Variants in NBPF9 observed in about 807,000 individuals in gnomAD.
NBPF9 encodes NBPF family member NBPF9.
NBPF9 carries 91 observed loss-of-function variants against 97.8 expected under a neutral mutation model. The ratio of observed to expected loss-of-function variants is 0.93; its 90% CI spans 0.79 to 1.11. The LOEUF is 1.11. Among genes scored for constraint, NBPF9 ranks in the 50% least tolerant of loss-of-function variants. The pLI is 0.00. For synonymous variants in NBPF9, 334 were observed against 359.5 expected (o/e 0.93, Z 0.80); for missense variants, 992 against 939.5 (o/e 1.06, Z -0.73).
chr1:149,084,342 A>AAT (rs1432072038), intron 5 of NBPF9, among the ~76,000 whole-genome samples: 39 of 147,698 alleles, frequency 2.6e-4, no homozygotes, highest in Admixed American at 2.4e-3. Flanking sequence ...GAATATATAT[A>AAT]ATATATATAC....
intron 12 of NBPF9, 78 bp downstream of exon 12, chr1:149,075,577 G>A (rs1385973297): frequency 1.4e-6 from 2 of 1,397,862 alleles, no homozygotes; most frequent in East Asian, 2.3e-5. Context: ...TATTTTTGAT[G>A]GAGAGAGCAC....
At chr1:149,064,249 G>T (rs1338832215) in intron 19 of NBPF9, among the ~76,000 whole-genome samples, 182 bp downstream of exon 19, 6 of 137,728 alleles carry the variant, frequency 4.4e-5, no homozygotes, top group African/African-American at 1.8e-4. Context: ...TAAATGATAA[G>T]GGTAGGAAGA....
intron 21 of NBPF9, 133 bp downstream of exon 21, chr1:149,062,729 A>T: frequency 1.3e-6 from 1 of 755,658 alleles, no homozygotes; most frequent in Non-Finnish European, 2.4e-6. Context: ...TGCAATGAAA[A>T]CCAACAGCAA....
chr1:149,055,819 A>G, exon 30 of NBPF9: 2 of 1,608,124 alleles, frequency 1.2e-6, no homozygotes, highest in East Asian at 2.3e-5. Context: ...TTCAAAGTAC[A>G]TTGACGGAGT....
At chr1:149,100,762 C>T (rs1290526489) in intron 3 of NBPF9, among the ~76,000 whole-genome samples, 1 of 152,078 alleles carries the variant, frequency 6.6e-6, no homozygotes, top group Non-Finnish European at 1.5e-5. Context: ...GTTGAATCCC[C>T]ATCTCTACAA....
chr1:149,069,322 T>A (rs2079221971), intron 17 of NBPF9, among the ~76,000 whole-genome samples: 1 of 151,516 alleles, frequency 6.6e-6, no homozygotes, highest in Non-Finnish European at 1.5e-5. Context: ...AAAAAATCAA[T>A]GAATCCAGGG....
In NBPF9 at chr1:149,081,945, G is replaced by A. The variant is rs1208465760; in HGVS notation, c.175+20C>T. The A allele has an allele frequency of 5.8e-5, 88 of 1,521,824 alleles. No individual in the cohort carries two copies. Among genetic ancestry groups the A allele is most frequent in the East Asian group, 9.0e-5 (4 of 44,278 alleles). The allele number at this position is 1,521,824 out of a possible 1,614,324, so 94.3% of individuals were successfully genotyped here. On this transcript the variant is annotated intron_variant, in intron 7 of 29. Coordinates refer to ENST00000584027, the Ensembl canonical transcript of NBPF9. ...GGACATCATTCATCACTTTCATGACGGTGAGCCTATAGATCTTACTGTATT... is the reference window on the plus strand; with the variant it reads ...GGACATCATTCATCACTTTCATGACAGTGAGCCTATAGATCTTACTGTATT...
At chr1:149,056,032 A>C in intron 29 of NBPF9, 133 bp from the exon 30 acceptor site, 2 of 1,571,538 alleles carry the variant, frequency 1.3e-6, no homozygotes, top group South Asian at 1.2e-5. Context: ...GGTAAAAAAA[A>C]AAATTTATTG....
intron 5 of NBPF9, among the ~76,000 whole-genome samples, chr1:149,083,045 G>A (rs1171944719): frequency 2.9e-5 from 4 of 135,660 alleles, no homozygotes; most frequent in African/African-American, 1.1e-4. Flanking sequence ...TCCTGACCTC[G>A]TGATCTGCCG....
intron 5 of NBPF9, among the ~76,000 whole-genome samples, chr1:149,088,191 CTTAT>C: frequency 6.6e-6 from 1 of 152,156 alleles, no homozygotes; most frequent in East Asian, 1.9e-4. Context: ...AAATTGTATT[CTTAT>C]TTCATTTTCC....
chr1:149,075,339 C>T (rs1243562932), intron 12 of NBPF9, among the ~76,000 whole-genome samples: 7 of 152,202 alleles, frequency 4.6e-5, no homozygotes, highest in African/African-American at 1.7e-4. Context: ...TCTGCAGGAT[C>T]TTATATGGTA....
At chr1:149,099,238 T>G (rs1312096307) in intron 3 of NBPF9, among the ~76,000 whole-genome samples, 1 of 152,242 alleles carries the variant, frequency 6.6e-6, no homozygotes, top group Non-Finnish European at 1.5e-5. Flanking sequence ...ACACGTATAT[T>G]CTACAGGCTA....
intron 17 of NBPF9, among the ~76,000 whole-genome samples, chr1:149,068,512 G>T (rs1390402767): frequency 2.7e-5 from 4 of 150,514 alleles, no homozygotes; most frequent in East Asian, 2.1e-4. Context: ...AACCAACAAA[G>T]ATCAAAAGAG....
At chr1:149,090,671 G>C (rs2081357123) in intron 5 of NBPF9, 82 bp downstream of exon 5, 1 of 566,550 alleles carries the variant, frequency 1.8e-6, no homozygotes, top group Non-Finnish European at 3.1e-6. Flanking sequence ...CTAGATTAGA[G>C]AGAAAAATAA....
At chr1:149,088,820 G>T (rs1375612277) in intron 5 of NBPF9, among the ~76,000 whole-genome samples, 1 of 151,914 alleles carries the variant, frequency 6.6e-6, no homozygotes, top group African/African-American at 2.4e-5. Flanking sequence ...AGCATTGAAG[G>T]CTTCACTCTT....
At chr1:149,082,675 A>G (rs1436152233) in intron 5 of NBPF9, among the ~76,000 whole-genome samples, 1 of 144,300 alleles carries the variant, frequency 6.9e-6, no homozygotes, top group Admixed American at 7.0e-5. Flanking sequence ...TGTCTGTACA[A>G]CATCATCAAG....
chr1:149,058,782 T>C, intron 26 of NBPF9, 143 bp downstream of exon 26: 1 of 668,108 alleles, frequency 1.5e-6, no homozygotes, highest in Non-Finnish European at 2.7e-6. Flanking sequence ...GAGACTACAG[T>C]TTCATTACAA....
chr1:149,077,396 C>T lies in NBPF9; in HGVS notation c.590G>A (p.Ser197Asn), dbSNP rs1379287690. 13 of 1,609,904 alleles carry T rather than the reference C, an allele frequency of 8.1e-6. No individual in the cohort carries two copies. The African/African-American group carries it at 1.1e-4, about 13-fold the overall frequency. The change falls in exon 11 of 30, where the codon AGC becomes AAC. Residue 197 changes from serine to asparagine, a missense_variant. Around this residue, in one of 11 missense-constraint regions of NBPF9, gnomAD observed 109 missense variants for 133.1 expected, o/e 0.82. Coordinates refer to ENST00000584027, the Ensembl canonical transcript of NBPF9. Reference sequence around the variant, plus strand: ...CTCCAGTGAGTCCTCAGCGACTTTGCTCTCTTCAGCCTTCTGCACCTCCCT... The same window carrying T: ...CTCCAGTGAGTCCTCAGCGACTTTGTTCTCTTCAGCCTTCTGCACCTCCCT...
intron 18 of NBPF9, chr1:149,064,896 C>A (rs1219236791): frequency 4.2e-5 from 22 of 526,320 alleles, no homozygotes; most frequent in South Asian, 3.3e-4. Flanking sequence ...TGCAATGAAC[C>A]AGCTCTTGAG....
Sources: gnomAD v4.1 joint callset for allele counts (sites outside exome capture counted in the v4.1 genomes callset) on GRCh38, gnomAD v4.1.1 for gene constraint, gnomAD v4.1.1 regional missense constraint, MANE v1.5 for transcripts, NCBI Gene and HGNC (gene_info 2026-07-23, HGNC 2026-07-21) for gene names.